The following MEF2C variants were observed in gnomAD, a reference collection of about 807,000 sequenced individuals.
MEF2C encodes myocyte enhancer factor 2C, also known as myocyte-specific enhancer factor 2C.
MEF2C carries 6 observed loss-of-function variants against 50.5 expected under a neutral mutation model. That is an observed-to-expected ratio of 0.12 (90% CI 0.07 to 0.23). The LOEUF is 0.23. Ranked by LOEUF, MEF2C falls within the 10% of genes least tolerant of loss-of-function variation. The pLI is 1.00. For missense variants in MEF2C, 276 were observed against 605.0 expected (o/e 0.46, Z 5.70); for synonymous variants, 183 against 228.0 (o/e 0.80, Z 1.78).
chr5:88,869,528 A>G (rs1359036214), intron 1 of MEF2C, among the ~76,000 whole-genome samples: 3 of 151,366 alleles, frequency 2.0e-5, no homozygotes, highest in African/African-American at 7.3e-5. Flanking sequence ...AATACCATGA[A>G]CTGTACACAA....
At chr5:88,795,362 C>G (rs913635758) in intron 3 of MEF2C, among the ~76,000 whole-genome samples, 16 of 152,144 alleles carry the variant, frequency 1.1e-4, no homozygotes, top group African/African-American at 3.9e-4. Context: ...TCCTTCCCAT[C>G]TCTTGTAAGT....
chr5:88,819,786 A>G (rs1807372798), intron 2 of MEF2C, among the ~76,000 whole-genome samples: 1 of 152,040 alleles, frequency 6.6e-6, no homozygotes, highest in Non-Finnish European at 1.5e-5. Flanking sequence ...ATTGGAGCAC[A>G]GCCACACAGG....
chr5:88,742,761 C>A, intron 6 of MEF2C: 2 of 985,296 alleles, frequency 2.0e-6, no homozygotes, highest in Non-Finnish European at 2.4e-6. Flanking sequence ...CAACATGAGC[C>A]CCTAGAGAAT....
intron 6 of MEF2C, chr5:88,734,691 G>GA (rs1022799585): frequency 2.0e-6 from 2 of 976,038 alleles, no homozygotes; most frequent in Non-Finnish European, 2.4e-6. Flanking sequence ...AGCAGTAGGG[G>GA]AAAAAAAAGT....
chr5:88,894,042 T>C (rs1210713803), intron 1 of MEF2C, among the ~76,000 whole-genome samples: 1 of 152,228 alleles, frequency 6.6e-6, no homozygotes, highest in African/African-American at 2.4e-5. Context: ...TACTATCTTA[T>C]TAGAATGTGG....
intron 2 of MEF2C, among the ~76,000 whole-genome samples, chr5:88,821,984 A>C (rs1808614894): frequency 6.6e-6 from 1 of 151,912 alleles, no homozygotes; most frequent in African/African-American, 2.4e-5. Context: ...CCTGATTTTG[A>C]TCACTGCACA....
chr5:88,733,943 C>T (rs1762747577), intron 6 of MEF2C: 1 of 985,034 alleles, frequency 1.0e-6, no homozygotes, highest in African/African-American at 1.8e-5. Flanking sequence ...TGACAAACCC[C>T]CAAATTTTCT....
intron 2 of MEF2C, among the ~76,000 whole-genome samples, chr5:88,814,870 C>T (rs1002244379): frequency 1.3e-5 from 2 of 152,068 alleles, no homozygotes; most frequent in Non-Finnish European, 2.9e-5. Flanking sequence ...AGAAGGATGA[C>T]CGAAAATTGT....
chr5:88,805,267 C>T (rs1302317528), intron 2 of MEF2C, among the ~76,000 whole-genome samples: 72 of 152,150 alleles, frequency 4.7e-4, no homozygotes, highest in Admixed American at 4.7e-3. Flanking sequence ...ATTGAAAACA[C>T]TTGAAGGGAT....
At chr5:88,901,850 C>T (rs1269600770) in intron 1 of MEF2C, among the ~76,000 whole-genome samples, 1 of 151,848 alleles carries the variant, frequency 6.6e-6, no homozygotes, top group Non-Finnish European at 1.5e-5. Flanking sequence ...ACAATTCAGG[C>T]ACAGCTAAAA....
intron 1 of MEF2C, among the ~76,000 whole-genome samples, chr5:88,849,667 C>T (rs888332130): frequency 9.9e-5 from 15 of 152,158 alleles, no homozygotes; most frequent in Admixed American, 2.6e-4. Flanking sequence ...ATCAATATTT[C>T]GAAATGCAGA....
chr5:88,777,433 GC>G (rs1273836278), intron 3 of MEF2C, among the ~76,000 whole-genome samples: 2 of 152,190 alleles, frequency 1.3e-5, no homozygotes, highest in South Asian at 4.2e-4. Context: ...GCACACAGTG[GC>G]CCAAGAACTT....
At chr5:88,743,871 C>T in intron 6 of MEF2C, 1 of 957,218 alleles carries the variant, frequency 1.0e-6, no homozygotes. Flanking sequence ...ATGTTAGTTT[C>T]TTTTTTATAA....
intron 2 of MEF2C, among the ~76,000 whole-genome samples, chr5:88,812,475 A>G (rs1803295165): frequency 6.6e-6 from 1 of 152,134 alleles, no homozygotes; most frequent in South Asian, 2.1e-4. Context: ...GTAGAAACTT[A>G]CATTTGGTAA....
At chr5:88,768,030 T>C (rs556524366) in intron 3 of MEF2C, among the ~76,000 whole-genome samples, 3 of 152,306 alleles carry the variant, frequency 2.0e-5, no homozygotes, top group African/African-American at 7.2e-5. Context: ...AGCCCACCAA[T>C]ATCTGTTCCT....
intron 3 of MEF2C, among the ~76,000 whole-genome samples, chr5:88,788,862 G>A (rs1223523895): frequency 6.6e-6 from 1 of 152,228 alleles, no homozygotes; most frequent in East Asian, 1.9e-4. Context: ...AATGTGTACA[G>A]TAACTTTCAA....
intron 3 of MEF2C, chr5:88,772,799 G>C: frequency 2.0e-6 from 2 of 985,374 alleles, no homozygotes; most frequent in Non-Finnish European, 2.4e-6. Flanking sequence ...TTTGGTTTTG[G>C]TTATTCTATA....
chr5:88,866,555 T>C (rs751972935), intron 1 of MEF2C, among the ~76,000 whole-genome samples: 12 of 152,202 alleles, frequency 7.9e-5, no homozygotes, highest in Admixed American at 6.5e-4. Flanking sequence ...TTTCTCATGG[T>C]AAAAATTCTA....
intron 6 of MEF2C, chr5:88,738,039 G>A: frequency 1.0e-6 from 1 of 985,354 alleles, no homozygotes; most frequent in Non-Finnish European, 1.2e-6. Flanking sequence ...ATGTCTGAAT[G>A]AGGCAGCGCA....
Sources: gnomAD v4.1 joint callset for allele counts (sites outside exome capture counted in the v4.1 genomes callset) on GRCh38, gnomAD v4.1.1 for gene constraint, MANE v1.5 for transcripts, NCBI Gene and HGNC (gene_info 2026-07-23, HGNC 2026-07-21) for gene names.